The following NXPH2 variants were observed in gnomAD, a reference collection of about 807,000 sequenced individuals.
NXPH2 encodes neurexophilin-2.
NXPH2 carries 5 observed loss-of-function variants against 19.8 expected under a neutral mutation model. The ratio of observed to expected loss-of-function variants is 0.25; its 90% confidence interval spans 0.13 to 0.53. The LOEUF is 0.53. NXPH2 is among the 20% of genes least tolerant of loss of function. The probability of loss-of-function intolerance (pLI) is 0.96; values close to 1 mark genes in which losing one functional copy is unlikely to be tolerated. For synonymous variants in NXPH2, 154 were observed against 127.4 expected (o/e 1.21, Z -1.41); for missense variants, 289 against 322.8 (o/e 0.90, Z 0.80).
intron 1 of NXPH2, among the ~76,000 whole-genome samples, chr2:138,757,514 C>T (rs1181835904): frequency 1.3e-5 from 2 of 152,116 alleles, no homozygotes; most frequent in East Asian, 3.9e-4. Flanking sequence ...TTAACCAGAG[C>T]TGACCTAGGT....
At chr2:138,714,411 C>T (rs953426395) in intron 1 of NXPH2, among the ~76,000 whole-genome samples, 2 of 152,126 alleles carry the variant, frequency 1.3e-5, no homozygotes, top group African/African-American at 4.8e-5. Context: ...AATTTCATAT[C>T]CTGAATATCT....
chr2:138,674,566 C>T (rs370901659), intron 1 of NXPH2, among the ~76,000 whole-genome samples: 4 of 152,166 alleles, frequency 2.6e-5, no homozygotes, highest in East Asian at 1.9e-4. Flanking sequence ...ATTACAGGAG[C>T]GAACCATCAT....
chr2:138,706,006 T>A (rs1379947511), intron 1 of NXPH2, among the ~76,000 whole-genome samples: 1 of 152,226 alleles, frequency 6.6e-6, no homozygotes, highest in Non-Finnish European at 1.5e-5. Context: ...ATTTATTAAA[T>A]CCTTACAATG....
chr2:138,692,684 T>A (rs1680762790), intron 1 of NXPH2, among the ~76,000 whole-genome samples: 1 of 152,208 alleles, frequency 6.6e-6, no homozygotes, highest in African/African-American at 2.4e-5. Flanking sequence ...ATATTTGGTC[T>A]TTAGATATCT....
chr2:138,753,513 C>T (rs567383491), intron 1 of NXPH2, among the ~76,000 whole-genome samples: 14 of 152,232 alleles, frequency 9.2e-5, no homozygotes, highest in African/African-American at 3.4e-4. Flanking sequence ...TAGGCATGCT[C>T]ATTGCTACTG....
intron 1 of NXPH2, among the ~76,000 whole-genome samples, chr2:138,753,727 T>C (rs1232457220): frequency 1.3e-5 from 2 of 152,242 alleles, no homozygotes; most frequent in East Asian, 3.9e-4. Flanking sequence ...CCCCTTGATA[T>C]CTGTAAATTC....
At chr2:138,700,540 A>G (rs1001485721) in intron 1 of NXPH2, among the ~76,000 whole-genome samples, 1 of 152,148 alleles carries the variant, frequency 6.6e-6, no homozygotes, top group Non-Finnish European at 1.5e-5. Flanking sequence ...CATATTTTGC[A>G]CTGACATTTA....
intron 1 of NXPH2, among the ~76,000 whole-genome samples, chr2:138,776,202 G>C (rs1321994140): frequency 6.6e-6 from 1 of 151,966 alleles, no homozygotes; most frequent in African/African-American, 2.4e-5. Flanking sequence ...TGATTGGCAA[G>C]AACTACACAT....
At chr2:138,765,982 C>G (rs1210683188) in intron 1 of NXPH2, among the ~76,000 whole-genome samples, 1 of 152,108 alleles carries the variant, frequency 6.6e-6, no homozygotes, top group Non-Finnish European at 1.5e-5. Flanking sequence ...CAGAGCCAGC[C>G]CTAACAACTG....
intron 1 of NXPH2, among the ~76,000 whole-genome samples, chr2:138,748,102 T>A (rs73961532): frequency 1.6e-4 from 24 of 152,316 alleles, no homozygotes; most frequent in African/African-American, 5.8e-4. Context: ...TTACTTCATG[T>A]ATTCATTTAT....
chr2:138,704,724 G>GTCTTAATTGTGCAGCCTGAAC (rs1680981891), intron 1 of NXPH2, among the ~76,000 whole-genome samples: 1 of 152,064 alleles, frequency 6.6e-6, no homozygotes, highest in Non-Finnish European at 1.5e-5. Context: ...GCACAATCAT[G>GTCTTAATTGTGCAGCCTGAAC]TCTTAATTGT....
intron 1 of NXPH2, among the ~76,000 whole-genome samples, chr2:138,717,513 G>A (rs74426664): frequency 0.15 from 22,927 of 151,268 alleles, 1,925 homozygotes; most frequent in East Asian, 0.24. Flanking sequence ...TCCTCACATG[G>A]TGGAAAGGGA....
intron 1 of NXPH2, among the ~76,000 whole-genome samples, chr2:138,706,954 C>T (rs1681025288): frequency 6.6e-6 from 1 of 151,390 alleles, no homozygotes; most frequent in South Asian, 2.1e-4. Context: ...CTTAGAGAAA[C>T]TTGTTGCAGA....
chr2:138,716,381 G>T (rs866386413), intron 1 of NXPH2, among the ~76,000 whole-genome samples: 35 of 152,112 alleles, frequency 2.3e-4, no homozygotes, highest in African/African-American at 8.0e-4. Flanking sequence ...AAAAGAGAAA[G>T]ACTAGAGCTC....
At chr2:138,740,842 T>C (rs1335319565) in intron 1 of NXPH2, among the ~76,000 whole-genome samples, 2 of 151,514 alleles carry the variant, frequency 1.3e-5, no homozygotes, top group Non-Finnish European at 2.9e-5. Context: ...TGAAATGGTA[T>C]GCATGAAGCC....
chr2:138,745,504 G>A (rs1221026522), intron 1 of NXPH2, among the ~76,000 whole-genome samples: 5 of 135,598 alleles, frequency 3.7e-5, no homozygotes, highest in East Asian at 4.3e-4. Context: ...GGGGGGGGGG[G>A]GGTGTTGTTT....
At chr2:138,690,159 C>T (rs1680726291) in intron 1 of NXPH2, among the ~76,000 whole-genome samples, 2 of 152,232 alleles carry the variant, frequency 1.3e-5, no homozygotes, top group Admixed American at 1.3e-4. Context: ...GCGTCTCTGT[C>T]CGCCTTCCCC....
At chr2:138,698,976 T>G (rs1052183859) in intron 1 of NXPH2, among the ~76,000 whole-genome samples, 9 of 152,186 alleles carry the variant, frequency 5.9e-5, no homozygotes, top group African/African-American at 2.2e-4. Flanking sequence ...ATTAGGCATT[T>G]AACAAATTTA....
intron 1 of NXPH2, among the ~76,000 whole-genome samples, chr2:138,750,262 G>A (rs1388236707): frequency 6.6e-6 from 1 of 152,122 alleles, no homozygotes; most frequent in Non-Finnish European, 1.5e-5. Context: ...TTTTGTGAAT[G>A]TAAAAGTTGT....
Sources: allele counts gnomAD v4.1 joint callset (sites outside exome capture counted in the v4.1 genomes callset), GRCh38; gene constraint gnomAD v4.1.1; transcripts MANE v1.5; gene names NCBI Gene and HGNC (gene_info 2026-07-23, HGNC 2026-07-21).